The following TAFA5 variants were observed in gnomAD, a reference collection of about 807,000 sequenced individuals.
TAFA5 encodes TAFA chemokine like family member 5, also known as chemokine-like protein TAFA-5.
Under a neutral mutation model 15.3 loss-of-function variants are expected in TAFA5, and 6 were observed. The observed-to-expected ratio is 0.39, with a 90% CI of 0.21 to 0.77. The LOEUF (loss-of-function observed/expected upper bound fraction) is 0.77. Among genes scored for constraint, TAFA5 ranks in the 30% least tolerant of loss-of-function variants. The probability of loss-of-function intolerance (pLI) is 0.41; values close to 1 mark genes in which losing one functional copy is unlikely to be tolerated. For synonymous variants in TAFA5, 103 were observed against 80.7 expected (o/e 1.28, Z -1.48); for missense variants, 161 against 193.1 (o/e 0.83, Z 0.98).
chr22:48,572,194 T>C (rs1389919184), intron 1 of TAFA5, among the ~76,000 whole-genome samples: 1 of 152,272 alleles, frequency 6.6e-6, no homozygotes, highest in East Asian at 1.9e-4. Context: ...TCTAGCTTTC[T>C]GCAAACACCT....
At chr22:48,562,181 A>T (rs112200278) in intron 1 of TAFA5, among the ~76,000 whole-genome samples, 1 of 151,746 alleles carries the variant, frequency 6.6e-6, no homozygotes, top group African/African-American at 2.4e-5. Context: ...TCTGTCGCCC[A>T]GGTTGGAGTG....
intron 1 of TAFA5, among the ~76,000 whole-genome samples, chr22:48,532,362 G>C (rs971370004): frequency 6.6e-6 from 1 of 152,192 alleles, no homozygotes; most frequent in Non-Finnish European, 1.5e-5. Context: ...GGATCTTTCC[G>C]GTGAGGAGTA....
intron 1 of TAFA5, among the ~76,000 whole-genome samples, chr22:48,525,249 C>G (rs1000638362): frequency 1.3e-5 from 2 of 152,168 alleles, no homozygotes; most frequent in African/African-American, 4.8e-5. Flanking sequence ...TTGGGGACAT[C>G]CCTCGGCCCA....
chr22:48,529,650 G>A (rs1921907286), intron 1 of TAFA5, among the ~76,000 whole-genome samples: 2 of 144,214 alleles, frequency 1.4e-5, no homozygotes, highest in Admixed American at 6.9e-5. Context: ...AGGGTGTCCA[G>A]GCAGGAGATG....
rs534424070 is a variant in TAFA5 at position 48,501,969 on chromosome 22, C to T, written c.112+12265C>T. Among the ~76,000 whole-genome samples, 15 of 152,338 alleles carry T rather than the reference C, an allele frequency of 9.8e-5. No homozygotes were observed. In the South Asian group the frequency reaches 1.7e-3, roughly 17 times the overall value. ...CCCCATCCATTCCGCCCCATGCCGC[C>T]TGCCTGGTCTTCAGGTTTTGAACTT... is the stretch of plus-strand genomic sequence containing the variant. On this transcript the variant is annotated intron_variant, in intron 1 of 3. Transcript: ENST00000402357.
intron 1 of TAFA5, among the ~76,000 whole-genome samples, chr22:48,643,320 G>T (rs1041662161): frequency 1.3e-5 from 2 of 152,182 alleles, no homozygotes; most frequent in African/African-American, 2.4e-5. Flanking sequence ...CCCAGTGGCC[G>T]CAGGGCAGAG....
intron 2 of TAFA5, among the ~76,000 whole-genome samples, chr22:48,656,763 T>A (rs919101621): frequency 0.22 from 5,199 of 23,848 alleles, 218 homozygotes; most frequent in South Asian, 0.33. Context: ...CTCTTTTTTT[T>A]TTTTTTTTTT....
intron 1 of TAFA5, among the ~76,000 whole-genome samples, chr22:48,606,853 T>TGAGCCAGGCCCTTGCCCGTGATGGCTG (rs1447886413): frequency 4.6e-5 from 7 of 152,144 alleles, no homozygotes; most frequent in Admixed American, 4.6e-4. Context: ...GCTGGGGTTC[T>TGAGCCAGGCCCTTGCCCGTGATGGCTG]GAGCCAGGCC....
intron 1 of TAFA5, among the ~76,000 whole-genome samples, chr22:48,629,077 G>T (rs1055216011): frequency 3.9e-5 from 6 of 152,122 alleles, no homozygotes; most frequent in Non-Finnish European, 7.4e-5. Context: ...AGGCCCTGCC[G>T]GCGGCCTCCT....
intron 3 of TAFA5, among the ~76,000 whole-genome samples, chr22:48,736,892 T>C (rs191729981): frequency 6.6e-6 from 1 of 152,326 alleles, no homozygotes; most frequent in East Asian, 1.9e-4. Flanking sequence ...GAAGGTGTCC[T>C]AAAGTTGGCT....
At position 48,546,754 on chromosome 22, in the gene TAFA5, G is replaced by T. The variant is rs739155; in HGVS notation, c.112+57050G>T. On this transcript the variant is annotated intron_variant, in intron 1 of 3. Coordinates refer to ENST00000402357, the MANE Select transcript of TAFA5 (RefSeq NM_001082967.3). ...ACTCAAATGCCCCTCTGCAGTTCTG[G>T]AAAGGCTCACTAGGCCATCCGCTGT... The T allele has an allele frequency of 2.0e-3, 725 of 366,946 alleles. 15 individuals carry two copies. Among genetic ancestry groups the T allele is most frequent in the South Asian group, 0.014 (704 of 49,354 alleles). 22.7% of individuals were successfully genotyped at this position (366,946 alleles called of 1,614,324 possible). A position where few individuals can be genotyped will look rare whatever the true frequency, so the allele number is the denominator to read the frequency against.
chr22:48,734,344 T>A (rs138461378), intron 3 of TAFA5, among the ~76,000 whole-genome samples: 1 of 152,360 alleles, frequency 6.6e-6, no homozygotes, highest in African/African-American at 2.4e-5. Flanking sequence ...AGTTAATCTT[T>A]ACATTTAGTA....
intron 3 of TAFA5, among the ~76,000 whole-genome samples, chr22:48,713,872 G>C (rs1395634574): frequency 4.6e-5 from 7 of 152,228 alleles, no homozygotes; most frequent in African/African-American, 1.7e-4. Flanking sequence ...TTCGTTCTCG[G>C]ATTCTGAGGG....
At chr22:48,508,182 A>AT (rs1179069234) in intron 1 of TAFA5, among the ~76,000 whole-genome samples, 38 of 152,290 alleles carry the variant, frequency 2.5e-4, no homozygotes, top group African/African-American at 8.9e-4. Flanking sequence ...TGGGGGCTGC[A>AT]CTGTTCAGCT....
intron 2 of TAFA5, among the ~76,000 whole-genome samples, chr22:48,663,193 G>A (rs73889504): frequency 4.5e-4 from 68 of 152,336 alleles, no homozygotes; most frequent in African/African-American, 1.5e-3. Context: ...CTTAACAAAG[G>A]TTTCATTTAC....
chr22:48,531,972 C>T (rs1921990468), intron 1 of TAFA5, among the ~76,000 whole-genome samples: 1 of 152,212 alleles, frequency 6.6e-6, no homozygotes, highest in South Asian at 2.1e-4. Context: ...GCTGGTGACG[C>T]TTCTGGGTCT....
intron 1 of TAFA5, among the ~76,000 whole-genome samples, chr22:48,502,884 G>GA (rs1920960932): frequency 6.6e-6 from 1 of 152,160 alleles, no homozygotes; most frequent in African/African-American, 2.4e-5. Flanking sequence ...CTTCTCTTCT[G>GA]TAGCATTCCA....
At chr22:48,666,817 C>T (rs1041163717) in intron 2 of TAFA5, among the ~76,000 whole-genome samples, 6 of 152,192 alleles carry the variant, frequency 3.9e-5, no homozygotes, top group Non-Finnish European at 8.8e-5. Flanking sequence ...CACCGCATGT[C>T]TGCTGTGTGG....
chr22:48,569,517 C>T (rs919437242), intron 1 of TAFA5, among the ~76,000 whole-genome samples: 2 of 152,092 alleles, frequency 1.3e-5, no homozygotes, highest in African/African-American at 2.4e-5. Context: ...TCAAGGCCCA[C>T]GGGGTGCATA....
Sources: gnomAD v4.1 joint callset for allele counts (sites outside exome capture counted in the v4.1 genomes callset) on GRCh38, gnomAD v4.1.1 for gene constraint, MANE v1.5 for transcripts, NCBI Gene and HGNC (gene_info 2026-07-23, HGNC 2026-07-21) for gene names.